Variants in ERCC4 observed in about 807,000 individuals in gnomAD.
ERCC4 encodes the protein DNA repair endonuclease XPF.
A neutral mutation model predicts 76.9 loss-of-function variants in ERCC4; 65 were observed. The observed-to-expected ratio is 0.84, with a 90% CI of 0.69 to 1.04. ERCC4 has a LOEUF of 1.04. Ranked by LOEUF, ERCC4 falls within the 50% of genes least tolerant of loss-of-function variation. The pLI is 0.00. For synonymous variants in ERCC4, 463 were observed against 410.1 expected, an observed-to-expected ratio of 1.13 and a Z score of -1.56; for missense variants, 1,214 against 1,128.2, an observed-to-expected ratio of 1.08 and a Z score of -1.09.
intron 9 of ERCC4, among the ~76,000 whole-genome samples, chr16:13,939,032 C>T (rs1264602162): frequency 6.6e-6 from 1 of 152,168 alleles, no homozygotes; most frequent in Non-Finnish European, 1.5e-5. Context: ...GCTCAGTCCT[C>T]TCAGCCTATG....
chr16:13,935,621 C>G lies in ERCC4; in HGVS notation c.1689C>G (p.Pro563=), dbSNP rs553999029. The change falls in exon 8 of 11, where the codon CCC becomes CCG. Residue 563 remains proline, a synonymous_variant. Coordinates refer to ENST00000311895, the MANE Select transcript of ERCC4 (RefSeq NM_005236.3). ...IIHPLLGCSD[P]YALTRVLHEV... ...ATCCGCTTCTGGGTTGCAGCGACCC[C>G]TATGCTCTGACAAGGGTACTACATG... 16 of 1,614,090 alleles carry G rather than the reference C, an allele frequency of 9.9e-6. No individual in the cohort carries two copies. The South Asian group carries it at 1.2e-4, about 12-fold the overall frequency.
rs1312378186 is a variant in ERCC4 at position 13,932,217 on chromosome 16, A to G, written c.1034A>G (p.His345Arg). Residue 345 changes from histidine to arginine, a missense_variant, in exon 6 of 11, where the codon CAT becomes CGT. By Grantham distance (29) the His-to-Arg change is conservative. Transcript: ENST00000311895. ...MFINARARVY[H>R]LPDAKMSKKE... ...ATAAATGCTCGAGCAAGGGTTTATC[A>G]TCTTCCAGATGCCAAAATGAGTAAA... is the stretch of plus-strand genomic sequence containing the variant. 5 of 1,612,750 alleles carry G rather than the reference A, an allele frequency of 3.1e-6. No homozygotes were observed.
At chr16:13,929,218 T>A (rs1483412709) in intron 4 of ERCC4, among the ~76,000 whole-genome samples, 3 of 152,228 alleles carry the variant, frequency 2.0e-5, no homozygotes, top group Admixed American at 6.5e-5. Flanking sequence ...ACTTCATTGT[T>A]TTAGATATTC....
At chr16:13,921,087 G>T (rs1463216901) in intron 1 of ERCC4, among the ~76,000 whole-genome samples, 1 of 152,182 alleles carries the variant, frequency 6.6e-6, no homozygotes, top group African/African-American at 2.4e-5. Flanking sequence ...CAGAAGGAAG[G>T]TCCCTGAAAG....
rs187039399 is a variant in ERCC4 at position 13,949,229 on chromosome 16, G to C, written c.*882G>C. On this transcript the variant is annotated 3_prime_UTR_variant, in exon 11 of 11. Transcript: ENST00000311895. ...GCACATATTCAGTCTCCTAATATCA[G>C]AGATCCCTAAGTCCAGCTGGCTAGT... The C allele has an allele frequency of 8.6e-6, 2 of 233,300 alleles. No individual in the cohort carries two copies. The highest frequency in any genetic ancestry group is 4.4e-5 in the African/African-American group (2 of 45,456). 14.5% of individuals were successfully genotyped at this position (233,300 alleles called of 1,614,324 possible). A position where few individuals can be genotyped will look rare whatever the true frequency, so the allele number is the denominator to read the frequency against.
At chr16:13,926,848 T>C (rs1396104319) in intron 3 of ERCC4, 92 bp downstream of exon 3, 7 of 1,010,870 alleles carry the variant, frequency 6.9e-6, no homozygotes, top group Non-Finnish European at 9.3e-6. Context: ...TGATGTAATA[T>C]AATGTAAAAT....
rs1194427815 is a variant in ERCC4, at chr16:13,948,819, T to C, written c.*472T>C. ...TGCACTTATACCCATGTCCTGTGGC[T>C]CTCCAAATCTGGTCTTTGCTGTTGT... is the stretch of plus-strand genomic sequence containing the variant. On this transcript the variant is annotated 3_prime_UTR_variant, in exon 11 of 11. Transcript: ENST00000311895. 1 of 233,036 alleles carries C rather than the reference T, an allele frequency of 4.3e-6. No homozygotes were observed. The highest frequency in any genetic ancestry group is 8.5e-6 in the Non-Finnish European group (1 of 118,106). 14.4% of individuals were successfully genotyped at this position (233,036 alleles called of 1,614,324 possible). A position where few individuals can be genotyped will look rare whatever the true frequency, so the allele number is the denominator to read the frequency against.
chr16:13,938,775 T>C (rs1351009177), intron 9 of ERCC4, among the ~76,000 whole-genome samples: 3 of 152,218 alleles, frequency 2.0e-5, no homozygotes, highest in Admixed American at 6.5e-5. Context: ...AGGCCAAATT[T>C]CAAAATGGAT....
At chr16:13,936,407 G>A (rs548525781) in intron 8 of ERCC4, among the ~76,000 whole-genome samples, 1 of 152,350 alleles carries the variant, frequency 6.6e-6, no homozygotes, top group East Asian at 1.9e-4. Flanking sequence ...GCCTTTCAGA[G>A]TAGAGATGAA....
chr16:13,929,403 C>T (rs1367428913), intron 4 of ERCC4, among the ~76,000 whole-genome samples: 1 of 152,106 alleles, frequency 6.6e-6, no homozygotes, highest in East Asian at 1.9e-4. Context: ...TTTCTTTTTC[C>T]ACAAGTGTTC....
At chr16:13,939,116 A>C (rs2032363007) in intron 9 of ERCC4, among the ~76,000 whole-genome samples, 1 of 152,108 alleles carries the variant, frequency 6.6e-6, no homozygotes, top group South Asian at 2.1e-4. Context: ...TTTTTCAAAA[A>C]CCTAGTTCAG....
chr16:13,931,934 A>G (rs1441616941), intron 5 of ERCC4: 5 of 554,934 alleles, frequency 9.0e-6, no homozygotes, highest in Admixed American at 3.3e-5. Context: ...TTCTGACATC[A>G]CATAGCCCTG....
At chr16:13,920,560 C>G (rs1226114701) in intron 1 of ERCC4, among the ~76,000 whole-genome samples, 188 bp downstream of exon 1, 1 of 150,830 alleles carries the variant, frequency 6.6e-6, no homozygotes, top group Non-Finnish European at 1.5e-5. Context: ...TGCGGGAACA[C>G]AGACGTATGT....
At chr16:13,945,263 A>G (rs371571269) in intron 10 of ERCC4, among the ~76,000 whole-genome samples, 41 of 152,272 alleles carry the variant, frequency 2.7e-4, no homozygotes, top group African/African-American at 9.4e-4. Flanking sequence ...TTAGTTGTAT[A>G]CATAGGTGGG....
chr16:13,932,351 T>G (rs771471799), intron 6 of ERCC4, 66 bp downstream of exon 6: 1 of 1,478,488 alleles, frequency 6.8e-7, no homozygotes, highest in Non-Finnish European at 9.4e-7. Context: ...AAATTTAAAG[T>G]GCAATTTAAA....
intron 9 of ERCC4, among the ~76,000 whole-genome samples, chr16:13,939,222 C>T (rs2032366114): frequency 6.6e-6 from 1 of 152,168 alleles, no homozygotes; most frequent in South Asian, 2.1e-4. Flanking sequence ...TAGACCTTCA[C>T]GCCACAAGGC....
At chr16:13,933,107 C>CT in intron 6 of ERCC4, 1 of 367,474 alleles carries the variant, frequency 2.7e-6, no homozygotes, top group South Asian at 2.0e-5. Flanking sequence ...GTGATGTGCA[C>CT]TTATCGTCTC....
intron 2 of ERCC4, among the ~76,000 whole-genome samples, chr16:13,924,957 C>T (rs183309425): frequency 6.6e-6 from 1 of 152,242 alleles, no homozygotes; most frequent in Non-Finnish European, 1.5e-5. Flanking sequence ...ACCTAACCTG[C>T]TTCTATTATT....
At chr16:13,929,249 T>C (rs2141947148) in intron 4 of ERCC4, among the ~76,000 whole-genome samples, 1 of 152,332 alleles carries the variant, frequency 6.6e-6, no homozygotes, top group South Asian at 2.1e-4. Flanking sequence ...CATATCTAAA[T>C]ATAGATATCC....
Sources: allele counts gnomAD v4.1 joint callset (sites outside exome capture counted in the v4.1 genomes callset), GRCh38; gene constraint gnomAD v4.1.1; transcripts MANE v1.5; gene names NCBI Gene and HGNC (gene_info 2026-07-23, HGNC 2026-07-21).